CFAP47: variants seen among roughly 807,000 people sequenced by gnomAD.
CFAP47 encodes the protein cilia and flagella associated protein 47.
In CFAP47, 29 loss-of-function variants were observed where a neutral mutation model predicts 148.1. The ratio of observed to expected loss-of-function variants is 0.20; its 90% CI spans 0.15 to 0.27. The LOEUF (loss-of-function observed/expected upper bound fraction) is 0.27, where lower values mean the gene tolerates loss of function less well. CFAP47 is among the 10% of genes least tolerant of loss of function. The probability of loss-of-function intolerance (pLI) is 1.00; values close to 1 mark genes in which losing one functional copy is unlikely to be tolerated. For missense variants in CFAP47, 1,872 were observed against 1,697.5 expected (o/e 1.10, Z -1.81); for synonymous variants, 664 against 577.3 (o/e 1.15, Z -2.15).
chrX:36,100,058 A>G (rs1362969570), intron 32 of CFAP47, among the ~76,000 whole-genome samples, 179 bp downstream of exon 32: 1 of 111,635 alleles, frequency 9.0e-6, no homozygotes, highest in Non-Finnish European at 1.9e-5. Context: ...CTTCTGGAGT[A>G]TCTCTTTCCT....
At chrX:35,967,502 G>A (rs773078968) in intron 9 of CFAP47, 117 bp from the exon 10 acceptor site, 2 of 452,357 alleles carry the variant, frequency 4.4e-6, no homozygotes, top group East Asian at 7.9e-5. Context: ...AATGTGTTTA[G>A]GAGTTGAGCA....
At chrX:36,224,367 A>G (rs1180150810) in intron 45 of CFAP47, among the ~76,000 whole-genome samples, 3 of 111,724 alleles carry the variant, frequency 2.7e-5, no homozygotes, top group Non-Finnish European at 5.7e-5. Flanking sequence ...AGTTGATTTT[A>G]TCTTTTTCAG....
At chrX:36,347,545 G>T (rs1338872773) in intron 57 of CFAP47, among the ~76,000 whole-genome samples, 1 of 112,095 alleles carries the variant, frequency 8.9e-6, no homozygotes, top group Non-Finnish European at 1.9e-5. Flanking sequence ...GTCCATCAAT[G>T]ATAGACTAGA....
intron 26 of CFAP47, among the ~76,000 whole-genome samples, chrX:36,059,784 T>C (rs1437627307): frequency 8.9e-6 from 1 of 112,045 alleles, no homozygotes; most frequent in Non-Finnish European, 1.9e-5. Context: ...TCAAATCTTA[T>C]GTTGAAATTT....
intron 17 of CFAP47, 125 bp downstream of exon 17, chrX:35,992,068 T>G: frequency 1.1e-5 from 3 of 272,876 alleles, no homozygotes; most frequent in Non-Finnish European, 1.9e-5. Flanking sequence ...TACCTGAGTA[T>G]AGTTCATCTA....
intron 56 of CFAP47, among the ~76,000 whole-genome samples, chrX:36,317,409 T>G (rs1556011174): frequency 9.6e-6 from 1 of 103,687 alleles, no homozygotes; most frequent in African/African-American, 4.0e-5. Flanking sequence ...AGTTTTGTGT[T>G]TTTTTTTTCT....
chrX:35,965,120 C>T lies in CFAP47; in HGVS notation c.1411-1445C>T, dbSNP rs778390809. ...GAAATCATTGCATTATTTATTGTTG[C>T]TTTTTTGTTGTTGTTTTGTTTATTT... is the stretch of plus-strand genomic sequence containing the variant. On this transcript the variant is annotated intron_variant, in intron 8 of 63. Transcript: ENST00000378653. Among the ~76,000 whole-genome samples, 487 of 110,862 alleles carry T rather than the reference C, an allele frequency of 4.4e-3. 4 individuals carry two copies. Among genetic ancestry groups the T allele is most frequent in the African/African-American group, 0.015 (449 of 30,662 alleles).
At chrX:36,092,607 A>G (rs1170680990) in intron 30 of CFAP47, among the ~76,000 whole-genome samples, 1 of 109,317 alleles carries the variant, frequency 9.1e-6, no homozygotes, top group Admixed American at 9.7e-5. Context: ...AAAGTTAACT[A>G]TATAACTTTT....
Position 36,319,237 on chromosome X carries a change from G to A in CFAP47, c.8373G>A (p.Met2791Ile), listed in dbSNP as rs1318804988. The A allele has an allele frequency of 3.6e-6, 4 of 1,123,305 alleles. No individual in the cohort carries two copies. The East Asian group carries it at 1.0e-4, about 29-fold the overall frequency. The allele number at this position is 1,123,305 out of a possible 1,213,427, so 92.6% of individuals were successfully genotyped here. Residue 2791 changes from methionine (M) to isoleucine (I), a missense_variant, in exon 57 of 64, where the codon ATG (methionine) becomes ATA (isoleucine). Met to Ile is a conservative substitution (Grantham distance 10). Transcript: ENST00000378653. ...TGGAACATCCCAGGAATCTTGTCAT[G>A]GATCATTGCTGGGATAGCTTCATCT... is the stretch of plus-strand genomic sequence containing the variant. ...TSVEHPRNLVMDHCWDSFIYE... is the reference protein window; with the variant it reads ...TSVEHPRNLVIDHCWDSFIYE...
intron 33 of CFAP47, among the ~76,000 whole-genome samples, chrX:36,125,851 G>C (rs1938826335): frequency 1.8e-5 from 2 of 110,789 alleles, no homozygotes; most frequent in South Asian, 3.7e-4. Flanking sequence ...TGTCTAAATA[G>C]TACTCTCATT....
chrX:36,304,286 G>A (rs1941327576), intron 54 of CFAP47, among the ~76,000 whole-genome samples: 1 of 109,173 alleles, frequency 9.2e-6, no homozygotes, highest in Non-Finnish European at 1.9e-5. Flanking sequence ...GGAGGCTGAG[G>A]AATGAGAATC....
At chrX:36,199,925 AT>A (rs1184111466) in intron 42 of CFAP47, among the ~76,000 whole-genome samples, 4 of 111,317 alleles carry the variant, frequency 3.6e-5, no homozygotes, top group African/African-American at 1.3e-4. Flanking sequence ...TGGTCTAATT[AT>A]TTTTTCTAAA....
Position 36,159,428 on chromosome X carries a change from A to G in CFAP47, c.5789A>G (p.Asn1930Ser), listed in dbSNP as rs1939404634. The change falls in exon 38 of 64, where the codon AAT becomes AGT. Residue 1930 changes from asparagine to serine, a missense_variant and splice_region_variant. Physicochemically the swap from Asn to Ser is conservative, Grantham distance 46 (BLOSUM62 1). Coordinates refer to ENST00000378653, the MANE Select transcript of CFAP47 (RefSeq NM_001304548.2). ...KGNVVTISPRNEINVTLKFTS... is the reference protein window; with the variant it reads ...KGNVVTISPRSEINVTLKFTS... Reference sequence around the variant, plus strand: ...CTCTTTTATCTTTTACTAAATAGAAATGAAATTAATGTCACTCTGAAATTC... The same window carrying G: ...CTCTTTTATCTTTTACTAAATAGAAGTGAAATTAATGTCACTCTGAAATTC... 3.4e-6 allele frequency: 1 copy of G among 295,759 alleles called. No individual in the cohort carries two copies. Among genetic ancestry groups the G allele is most frequent in the African/African-American group, 2.7e-5 (1 of 36,398 alleles). The allele number at this position is 295,759 out of a possible 1,213,427, so 24.4% of individuals were successfully genotyped here.
At chrX:36,052,970 C>A (rs976449086) in intron 26 of CFAP47, among the ~76,000 whole-genome samples, 27 of 111,329 alleles carry the variant, frequency 2.4e-4, no homozygotes, top group Non-Finnish European at 4.7e-4. Context: ...ATAAAGGAGG[C>A]TAGCAGAGAA....
rs1556025014 is a variant in CFAP47 at position 36,385,243 on chromosome X, T to C, written c.*237T>C. The C allele has an allele frequency of 3.3e-6, 1 of 300,141 alleles. No individual in the cohort carries two copies. Among genetic ancestry groups the C allele is most frequent in the African/African-American group, 2.7e-5 (1 of 36,565 alleles). The allele number at this position is 300,141 out of a possible 1,213,427, so 24.7% of individuals were successfully genotyped here. A position where few individuals can be genotyped will look rare whatever the true frequency, so the allele number is the denominator to read the frequency against. On this transcript the variant is annotated 3_prime_UTR_variant, in exon 64 of 64. Coordinates refer to ENST00000378653, the MANE Select transcript of CFAP47 (RefSeq NM_001304548.2). ...TTAAAGTGCAGGTGTATATTTGTGG[T>C]AAAACGAAATATAATTTAAATGACA...
chrX:36,127,718 TCCATAAG>T (rs1185307430), intron 33 of CFAP47, among the ~76,000 whole-genome samples: 2 of 111,498 alleles, frequency 1.8e-5, no homozygotes, highest in East Asian at 5.7e-4. Flanking sequence ...ATTCTTCCTA[TCCATAAG>T]CATGGAATGT....
chrX:35,948,262 A>C (rs1473545203), intron 3 of CFAP47, 52 bp from the exon 4 acceptor site: 5 of 1,092,312 alleles, frequency 4.6e-6, no homozygotes, highest in Non-Finnish European at 6.3e-6. Flanking sequence ...GAGAGTGTAC[A>C]TGCAACATTG....
At chrX:36,251,278 G>A (rs1409538232) in intron 48 of CFAP47, 55 bp from the exon 49 acceptor site, 1 of 417,323 alleles carries the variant, frequency 2.4e-6, no homozygotes, top group African/African-American at 2.5e-5. Flanking sequence ...GTAGTGTAGT[G>A]TACTTATTTT....
Position 36,061,265 on chromosome X carries a change from G to GTGC in CFAP47, c.4218-4377_4218-4375dup, listed in dbSNP as rs1354705835. 5.4e-5 allele frequency among the ~76,000 whole-genome samples: 6 copies of GTGC among 111,555 alleles called. No individual in the cohort carries two copies. The East Asian group carries it at 1.7e-3, about 31-fold the overall frequency. On this transcript the variant is annotated intron_variant, in intron 26 of 63. Coordinates refer to ENST00000378653, the MANE Select transcript of CFAP47 (RefSeq NM_001304548.2). ...CCCCAGGCATGCCCTCCTGTACAGCGTGCAGAACTGTGAGTCTATTAAACC... is the reference window on the plus strand; with the variant it reads ...CCCCAGGCATGCCCTCCTGTACAGCGTGCTGCAGAACTGTGAGTCTATTAAACC...
Sources: allele counts gnomAD v4.1 joint callset (sites outside exome capture counted in the v4.1 genomes callset), GRCh38; gene constraint gnomAD v4.1.1; transcripts MANE v1.5; gene names NCBI Gene and HGNC (gene_info 2026-07-23, HGNC 2026-07-21).